The following TRIM16 variants were observed in gnomAD, a reference collection of about 807,000 sequenced individuals.
TRIM16 encodes tripartite motif containing 16.
In TRIM16, 33 loss-of-function variants were observed where a neutral mutation model predicts 50.4. The ratio of observed to expected loss-of-function variants is 0.65; its 90% confidence interval spans 0.50 to 0.88. The LOEUF (loss-of-function observed/expected upper bound fraction) is 0.88, where lower values mean the gene tolerates loss of function less well. Among genes scored for constraint, TRIM16 ranks in the 40% least tolerant of loss-of-function variants. The probability of loss-of-function intolerance (pLI) is 0.00; values close to 1 mark genes in which losing one functional copy is unlikely to be tolerated. For missense variants in TRIM16, 581 were observed against 686.8 expected (o/e 0.85, Z 1.72); for synonymous variants, 229 against 270.7 (o/e 0.85, Z 1.51).
chr17:15,638,511 A>G (rs946136863), intron 8 of TRIM16, among the ~76,000 whole-genome samples: 5 of 149,194 alleles, frequency 3.4e-5, no homozygotes, highest in African/African-American at 7.4e-5. Context: ...CGGAGCTTGC[A>G]GTGAGCTGAG....
chr17:15,646,856 T>C, intron 7 of TRIM16, among the ~76,000 whole-genome samples: 1 of 152,004 alleles, frequency 6.6e-6, no homozygotes. Context: ...GCCAGCTCAG[T>C]CACATAGGAC....
chr17:15,639,996 G>T (rs1184132995), intron 8 of TRIM16, among the ~76,000 whole-genome samples: 2 of 149,138 alleles, frequency 1.3e-5, no homozygotes, highest in Non-Finnish European at 3.0e-5. Context: ...CTTACTATGT[G>T]CCAGGCACTT....
At chr17:15,674,142 C>T (rs1463008547) in intron 6 of TRIM16, among the ~76,000 whole-genome samples, 3 of 152,108 alleles carry the variant, frequency 2.0e-5, no homozygotes, top group Admixed American at 6.6e-5. Flanking sequence ...GAGGCTGAGA[C>T]GGGCGGATCA....
chr17:15,662,085 C>T (rs528045111), intron 6 of TRIM16, among the ~76,000 whole-genome samples: 1 of 152,288 alleles, frequency 6.6e-6, no homozygotes, highest in East Asian at 1.9e-4. Context: ...TTTATCTGCA[C>T]CAGACTTGGT....
At chr17:15,673,994 T>C (rs1332914340) in intron 6 of TRIM16, among the ~76,000 whole-genome samples, 1 of 152,150 alleles carries the variant, frequency 6.6e-6, no homozygotes, top group Non-Finnish European at 1.5e-5. Context: ...CTGATAGTTA[T>C]AATTTCAGCC....
chr17:15,668,468 T>C (rs1306264697), intron 6 of TRIM16, among the ~76,000 whole-genome samples: 1 of 152,132 alleles, frequency 6.6e-6, no homozygotes, highest in East Asian at 1.9e-4. Flanking sequence ...TTTCCATGGC[T>C]CTAAGAATAA....
Position 15,677,692 on chromosome 17 carries a change from C to T in TRIM16, c.-560G>A. 4 of 1,012,464 alleles carry T rather than the reference C, an allele frequency of 4.0e-6. No individual in the cohort carries two copies. Among genetic ancestry groups the T allele is most frequent in the South Asian group, 4.2e-5 (1 of 23,576 alleles). The allele number at this position is 1,012,464 out of a possible 1,614,324, so 62.7% of individuals were successfully genotyped here. On this transcript the variant is annotated 5_prime_UTR_variant, in exon 5 of 12. It removes an upstream start codon present in the reference 5' UTR. Transcript: ENST00000649191. The stretch of plus-strand genomic sequence containing the variant: ...AGTTCACAGCCACATCCTTGAATGA[C>T]ATAAAGCCCTGAAACACCTGCATGG...
At chr17:15,661,105 T>C (rs1005454479) in intron 6 of TRIM16, among the ~76,000 whole-genome samples, 2 of 152,200 alleles carry the variant, frequency 1.3e-5, no homozygotes, top group Non-Finnish European at 2.9e-5. Context: ...GTCAGAGTCC[T>C]GATCCCAGCA....
At position 15,674,829 on chromosome 17, in the gene TRIM16, G is replaced by C. The variant is rs148763736; in HGVS notation, c.-338+2347C>G. On this transcript the variant is annotated intron_variant, in intron 6 of 11. Coordinates refer to ENST00000649191, the MANE Select transcript of TRIM16 (RefSeq NM_001348119.1). Reference sequence around the variant, plus strand: ...AACTGAGTCCCTCATCTCCCGGGGGGTGATCACAAAACAGTGGGATGAGGT... The same window carrying C: ...AACTGAGTCCCTCATCTCCCGGGGGCTGATCACAAAACAGTGGGATGAGGT... Among the ~76,000 whole-genome samples the C allele has an allele frequency of 4.0e-4, 61 of 152,270 alleles. 1 individual carries two copies. Among genetic ancestry groups the C allele is most frequent in the Admixed American group, 3.5e-3 (54 of 15,282 alleles).
Position 15,664,868 on chromosome 17 carries a change from C to A in TRIM16, c.-338+12308G>T, listed in dbSNP as rs536207983. ...CCAACATGGTGAAACCCCGACTCTA[C>A]TAAAAATACAAAAATTAGCCAGGTG... On this transcript the variant is annotated intron_variant, in intron 6 of 11. Coordinates refer to ENST00000649191, the MANE Select transcript of TRIM16 (RefSeq NM_001348119.1). 2.9e-3 allele frequency among the ~76,000 whole-genome samples: 447 copies of A among 152,100 alleles called. 1 individual carries two copies. The highest frequency in any genetic ancestry group is 4.3e-3 in the Non-Finnish European group (292 of 67,988).
At chr17:15,676,245 C>T (rs958189232) in intron 6 of TRIM16, among the ~76,000 whole-genome samples, 1 of 152,030 alleles carries the variant, frequency 6.6e-6, no homozygotes, top group African/African-American at 2.4e-5. Context: ...AAATGTCCCC[C>T]GGGGGGCAAA....
At chr17:15,680,783 A>C (rs1989152634) in intron 4 of TRIM16, 82 bp downstream of exon 4, 1 of 1,453,202 alleles carries the variant, frequency 6.9e-7, no homozygotes, top group Non-Finnish European at 9.1e-7. Flanking sequence ...CAGGAATTAA[A>C]ATAAGATTTC....
chr17:15,677,936 G>A (rs964952178), intron 4 of TRIM16, among the ~76,000 whole-genome samples: 10 of 152,100 alleles, frequency 6.6e-5, no homozygotes, highest in Admixed American at 5.2e-4. Context: ...GAAAACTATC[G>A]GCTGGGTGCA....
intron 6 of TRIM16, among the ~76,000 whole-genome samples, chr17:15,657,805 T>C (rs1418956951): frequency 6.6e-6 from 1 of 152,204 alleles, no homozygotes; most frequent in Non-Finnish European, 1.5e-5. Flanking sequence ...GCCTACAGCT[T>C]GCTTAAATGC....
intron 11 of TRIM16, among the ~76,000 whole-genome samples, chr17:15,630,044 T>C (rs979392196): frequency 3.3e-5 from 5 of 152,348 alleles, no homozygotes; most frequent in East Asian, 1.9e-4. Flanking sequence ...CTTGCTCTTA[T>C]GATAAAGCAG....
chr17:15,673,925 T>C (rs1597669702), intron 6 of TRIM16, among the ~76,000 whole-genome samples: 2 of 152,206 alleles, frequency 1.3e-5, no homozygotes, highest in African/African-American at 4.8e-5. Flanking sequence ...TGGGATTGCA[T>C]AATAGTTACT....
intron 6 of TRIM16, among the ~76,000 whole-genome samples, chr17:15,660,480 A>T (rs947888194): frequency 1.3e-5 from 2 of 152,074 alleles, no homozygotes; most frequent in African/African-American, 4.8e-5. Context: ...ATATTTCTAT[A>T]CCCCTGATTG....
intron 7 of TRIM16, 36 bp downstream of exon 7, chr17:15,651,055 C>T: frequency 6.4e-7 from 1 of 1,574,370 alleles, no homozygotes; most frequent in Non-Finnish European, 8.6e-7. Flanking sequence ...CCCCACCGCC[C>T]TCTCCCAAAT....
intron 6 of TRIM16, among the ~76,000 whole-genome samples, chr17:15,655,791 G>A (rs986719709): frequency 6.6e-6 from 1 of 152,128 alleles, no homozygotes; most frequent in Non-Finnish European, 1.5e-5. Context: ...AGCCAGGATG[G>A]TCTCAATCTC....
Sources: allele counts gnomAD v4.1 joint callset (sites outside exome capture counted in the v4.1 genomes callset), GRCh38; gene constraint gnomAD v4.1.1; transcripts MANE v1.5; gene names NCBI Gene and HGNC (gene_info 2026-07-23, HGNC 2026-07-21).